Variants in HLCS observed in about 807,000 individuals in gnomAD.
HLCS encodes the protein biotin--protein ligase.
HLCS carries 53 observed loss-of-function variants against 75.0 expected under a neutral mutation model. The observed-to-expected ratio is 0.71, with a 90% confidence interval of 0.57 to 0.89. The LOEUF (loss-of-function observed/expected upper bound fraction) is 0.89. Ranked by LOEUF, HLCS falls within the 40% of genes least tolerant of loss-of-function variation. The pLI is 0.00. For missense variants in HLCS, 966 were observed against 1,074.0 expected (o/e 0.90, Z 1.41); for synonymous variants, 431 against 428.6 (o/e 1.01, Z -0.07).
intron 6 of HLCS, among the ~76,000 whole-genome samples, chr21:36,858,083 T>C (rs2063259752): frequency 6.6e-6 from 1 of 152,186 alleles, no homozygotes; most frequent in African/African-American, 2.4e-5. Flanking sequence ...CCACTGCGCC[T>C]GGCCAGGATC....
intron 6 of HLCS, among the ~76,000 whole-genome samples, chr21:36,787,116 C>T (rs1481965021): frequency 1.3e-5 from 2 of 152,234 alleles, no homozygotes; most frequent in Non-Finnish European, 2.9e-5. Context: ...GCACTGAACA[C>T]GTCGCAAGAG....
chr21:36,876,366 C>T (rs8129291), intron 6 of HLCS, among the ~76,000 whole-genome samples: 24,255 of 152,170 alleles, frequency 0.16, 4,371 homozygotes, highest in African/African-American at 0.44. Context: ...TTTGATTGAG[C>T]TTGTACCAAA....
At chr21:36,764,821 T>C (rs2089976592) in intron 8 of HLCS, among the ~76,000 whole-genome samples, 191 bp downstream of exon 8, 1 of 152,256 alleles carries the variant, frequency 6.6e-6, no homozygotes, top group Non-Finnish European at 1.5e-5. Context: ...AATGAATGCA[T>C]TCAGGCAAGC....
intron 7 of HLCS, 59 bp downstream of exon 7, chr21:36,767,159 C>A (rs970412410): frequency 4.3e-5 from 66 of 1,537,960 alleles, no homozygotes; most frequent in Non-Finnish European, 5.3e-5. Flanking sequence ...TCCTGGGCCA[C>A]AAGAGTTGCA....
At chr21:36,849,701 C>T (rs543803924) in intron 6 of HLCS, among the ~76,000 whole-genome samples, 4 of 152,382 alleles carry the variant, frequency 2.6e-5, no homozygotes, top group African/African-American at 9.6e-5. Context: ...TGGCTTCTGG[C>T]TTGCTTTCCT....
intron 6 of HLCS, among the ~76,000 whole-genome samples, chr21:36,770,956 C>G (rs994443862): frequency 3.3e-5 from 5 of 151,904 alleles, no homozygotes; most frequent in African/African-American, 1.2e-4. Context: ...GTGGTGGTTC[C>G]CGCCTGTAAT....
intron 6 of HLCS, among the ~76,000 whole-genome samples, chr21:36,873,977 CT>C (rs780116259): frequency 5.8e-4 from 88 of 152,228 alleles, no homozygotes; most frequent in Non-Finnish European, 1.0e-3. Flanking sequence ...GAAATTTCTT[CT>C]TAGTCGCAAG....
At position 36,842,835 on chromosome 21, in the gene HLCS, G is replaced by A. The variant is rs1046210312; in HGVS notation, c.1892+54025C>T. On this transcript the variant is annotated intron_variant, in intron 6 of 10. Coordinates refer to ENST00000674895, the MANE Select transcript of HLCS (RefSeq NM_001352514.2). The surrounding 1 kb of genome is among the most constrained non-coding windows in gnomAD (Gnocchi z 4.2). Reference sequence around the variant, plus strand: ...AGGGTAGCCCACACCACCCTACTCTGAGGCCCTGAAAAATTCTGCAGACCT... The same window carrying A: ...AGGGTAGCCCACACCACCCTACTCTAAGGCCCTGAAAAATTCTGCAGACCT... Among the ~76,000 whole-genome samples the A allele has an allele frequency of 3.9e-5, 6 of 152,264 alleles. No homozygotes were observed. The highest frequency in any genetic ancestry group is 1.4e-4 in the African/African-American group (6 of 41,548).
chr21:36,983,318 C>T (rs567907061), intron 1 of HLCS, among the ~76,000 whole-genome samples: 146 of 152,006 alleles, frequency 9.6e-4, no homozygotes, highest in African/African-American at 2.5e-3. Flanking sequence ...TCAAGTGATT[C>T]TCCTGCCTCA....
chr21:36,927,047 A>AG lies in HLCS; in HGVS notation c.1620+3203dup, dbSNP rs2066440277. Among the ~76,000 whole-genome samples the AG allele has an allele frequency of 2.0e-5, 3 of 152,310 alleles. No individual in the cohort carries two copies. The South Asian group carries it at 6.2e-4, about 32-fold the overall frequency. On this transcript the variant is annotated intron_variant, in intron 5 of 10. Transcript: ENST00000674895. ...AGGCTTGAGCCACTGCACCTGGCCC[A>AG]GTCTTCTTTCTACGGAGATAGGTGT...
At chr21:36,834,425 G>A (rs2146065147) in intron 6 of HLCS, among the ~76,000 whole-genome samples, 1 of 152,346 alleles carries the variant, frequency 6.6e-6, no homozygotes, top group South Asian at 2.1e-4. Context: ...AAAGTAGCCA[G>A]GTGGGCGAGT....
At chr21:36,909,149 A>G (rs2065593426) in intron 5 of HLCS, among the ~76,000 whole-genome samples, 1 of 152,104 alleles carries the variant, frequency 6.6e-6, no homozygotes, top group Non-Finnish European at 1.5e-5. Context: ...GTGAGCCTAG[A>G]TCGCGCCACT....
At chr21:36,911,350 A>G (rs1165459534) in intron 5 of HLCS, among the ~76,000 whole-genome samples, 1 of 152,118 alleles carries the variant, frequency 6.6e-6, no homozygotes, top group Non-Finnish European at 1.5e-5. Context: ...TGGGGCCCTG[A>G]TGATGCGTCC....
intron 2 of HLCS, among the ~76,000 whole-genome samples, chr21:36,961,324 C>T (rs1053093382): frequency 1.7e-4 from 26 of 152,132 alleles, no homozygotes; most frequent in African/African-American, 5.8e-4. Context: ...AAAAATATAA[C>T]GTGAGCCACA....
chr21:36,797,239 T>C (rs1291956997), intron 6 of HLCS, among the ~76,000 whole-genome samples: 1 of 152,146 alleles, frequency 6.6e-6, no homozygotes, highest in Non-Finnish European at 1.5e-5. Context: ...TTTTGTGCTA[T>C]GTCTGAAAAC....
In HLCS at chr21:36,840,082, A is replaced by C. The variant is rs1332317450; in HGVS notation, c.1892+56778T>G. On this transcript the variant is annotated intron_variant, in intron 6 of 10. Transcript: ENST00000674895. ...TAAGGATGTACCTTAAATAGCTCAC[A>C]AACAGGAAAAGCATGTGTGGATTTC... is the stretch of plus-strand genomic sequence containing the variant. 3.9e-5 allele frequency among the ~76,000 whole-genome samples: 6 copies of C among 152,354 alleles called. No homozygotes were observed. In the East Asian group the frequency reaches 7.7e-4, roughly 20 times the overall value.
intron 1 of HLCS, among the ~76,000 whole-genome samples, chr21:36,973,227 CTTTTTTT>C (rs11327894): frequency 2.2e-5 from 2 of 91,070 alleles, no homozygotes; most frequent in Admixed American, 1.3e-4. Flanking sequence ...AAGACCCTGT[CTTTTTTT>C]TTTTTTTTTT....
chr21:36,933,841 T>G (rs3787771), intron 4 of HLCS, among the ~76,000 whole-genome samples: 1 of 151,974 alleles, frequency 6.6e-6, no homozygotes, highest in Non-Finnish European at 1.5e-5. Context: ...GTAGCCAAGA[T>G]GCACACGCAG....
At chr21:36,911,315 T>G (rs1476030803) in intron 5 of HLCS, among the ~76,000 whole-genome samples, 1 of 152,124 alleles carries the variant, frequency 6.6e-6, no homozygotes, top group Non-Finnish European at 1.5e-5. Flanking sequence ...GCAGCAAGCC[T>G]GGAACCCATC....
Sources: allele counts gnomAD v4.1 joint callset (sites outside exome capture counted in the v4.1 genomes callset), GRCh38; gene constraint gnomAD v4.1.1; non-coding constraint Gnocchi (gnomAD v3.1); transcripts MANE v1.5; gene names NCBI Gene and HGNC (gene_info 2026-07-23, HGNC 2026-07-21).